AAK1: variants seen among roughly 807,000 people sequenced by gnomAD.
AAK1 encodes AP2 associated kinase 1, also known as AP2-associated protein kinase 1.
AAK1 carries 37 observed loss-of-function variants against 116.0 expected under a neutral mutation model. That is an observed-to-expected ratio of 0.32 (90% CI 0.25 to 0.42). The LOEUF is 0.42. AAK1 is among the 10% of genes least tolerant of loss of function. The probability of loss-of-function intolerance (pLI) is 1.00; values close to 1 mark genes in which losing one functional copy is unlikely to be tolerated. For missense variants in AAK1, 919 were observed against 1,170.6 expected, an observed-to-expected ratio of 0.79 and a Z score of 3.14; for synonymous variants, 458 against 439.9, an observed-to-expected ratio of 1.04 and a Z score of -0.51.
chr2:69,488,149 CGTGT>C (rs58575925), intron 17 of AAK1, among the ~76,000 whole-genome samples: 132 of 144,608 alleles, frequency 9.1e-4, no homozygotes, highest in South Asian at 2.2e-3. Context: ...TGTGTGTGGA[CGTGT>C]GTGTGTGTGT....
At chr2:69,595,786 A>T (rs1301583466) in intron 2 of AAK1, among the ~76,000 whole-genome samples, 2 of 152,252 alleles carry the variant, frequency 1.3e-5, no homozygotes, top group East Asian at 3.8e-4. Flanking sequence ...TATTGGAAGA[A>T]GATGCCATCT....
intron 2 of AAK1, among the ~76,000 whole-genome samples, chr2:69,588,435 T>A (rs1305776817): frequency 3.9e-5 from 6 of 152,200 alleles, no homozygotes; most frequent in Non-Finnish European, 7.3e-5. Context: ...CCATCCCTTA[T>A]AGTAAGAAAG....
At chr2:69,538,134 G>C (rs1005727070) in intron 5 of AAK1, among the ~76,000 whole-genome samples, 10 of 152,256 alleles carry the variant, frequency 6.6e-5, no homozygotes, top group Non-Finnish European at 1.3e-4. Context: ...ACAGATGGTT[G>C]AATCTGCAGA....
chr2:69,632,771 C>T (rs1675247435), intron 2 of AAK1, among the ~76,000 whole-genome samples: 1 of 151,704 alleles, frequency 6.6e-6, no homozygotes, highest in Admixed American at 6.6e-5. Context: ...CGGTGGCTTA[C>T]GCCTGTAATC....
Position 69,495,375 on chromosome 2 carries a change from A to C in AAK1, c.2365+610T>G, listed in dbSNP as rs80049696. Among the ~76,000 whole-genome samples the C allele has an allele frequency of 4.6e-3, 698 of 152,276 alleles. 4 individuals carry two copies. Among genetic ancestry groups the C allele is most frequent in the African/African-American group, 0.015 (624 of 41,556 alleles). ...ATTGAGATATGGTGGACTACAAGAGATATTCAAACTCCTGCAGTCCAACAC... is the reference window on the plus strand; with the variant it reads ...ATTGAGATATGGTGGACTACAAGAGCTATTCAAACTCCTGCAGTCCAACAC... On this transcript the variant is annotated intron_variant, in intron 17 of 21. Coordinates refer to ENST00000409085, the MANE Select transcript of AAK1 (RefSeq NM_014911.5).
chr2:69,472,457 A>C lies in AAK1; in HGVS notation c.*3412T>G. 1 of 354,158 alleles carries C rather than the reference A, an allele frequency of 2.8e-6. No individual in the cohort carries two copies. The highest frequency in any genetic ancestry group is 3.9e-6 in the Non-Finnish European group (1 of 253,178). The allele number at this position is 354,158 out of a possible 1,614,324, so 21.9% of individuals were successfully genotyped here. On this transcript the variant is annotated 3_prime_UTR_variant, in exon 22 of 22. Transcript: ENST00000409085. ...TAACTTTAAGGATGGCAGCATCATT[A>C]GAATAAGTATTAACTTCTTAAGTAA...
chr2:69,609,182 T>C (rs1474944527), intron 2 of AAK1, among the ~76,000 whole-genome samples: 1 of 143,844 alleles, frequency 7.0e-6, no homozygotes, highest in Non-Finnish European at 1.5e-5. Context: ...GCCAACATAG[T>C]GGAACCCCAT....
intron 2 of AAK1, chr2:69,599,038 G>T: frequency 3.6e-6 from 1 of 281,092 alleles, no homozygotes; most frequent in South Asian, 3.7e-5. Context: ...GGGGAGGTCC[G>T]TGTGCTAGCT....
intron 10 of AAK1, among the ~76,000 whole-genome samples, chr2:69,524,047 C>G (rs977117676): frequency 2.6e-5 from 4 of 152,140 alleles, no homozygotes; most frequent in African/African-American, 9.7e-5. Flanking sequence ...TTGGCATCTG[C>G]TTTTTGGAAG....
intron 17 of AAK1, among the ~76,000 whole-genome samples, chr2:69,486,039 C>G (rs751102082): frequency 6.6e-6 from 1 of 151,876 alleles, no homozygotes; most frequent in African/African-American, 2.4e-5. Flanking sequence ...ACTGCAGCCT[C>G]GAACTCTCGG....
At chr2:69,541,432 A>G (rs1670719114) in intron 5 of AAK1, among the ~76,000 whole-genome samples, 1 of 152,038 alleles carries the variant, frequency 6.6e-6, no homozygotes, top group Non-Finnish European at 1.5e-5. Flanking sequence ...TGGTTTCGCC[A>G]TGTTGGCCAG....
chr2:69,632,603 A>G (rs1352006544), intron 2 of AAK1, among the ~76,000 whole-genome samples: 1 of 152,232 alleles, frequency 6.6e-6, no homozygotes, highest in East Asian at 1.9e-4. Context: ...GTTTTCTTAG[A>G]ATCAATGAAC....
At chr2:69,486,297 A>G (rs529071523) in intron 17 of AAK1, among the ~76,000 whole-genome samples, 1 of 152,266 alleles carries the variant, frequency 6.6e-6, no homozygotes, top group East Asian at 1.9e-4. Context: ...ATTAGCAAAA[A>G]GCACGTGGGA....
intron 3 of AAK1, among the ~76,000 whole-genome samples, chr2:69,546,644 A>G (rs1049752049): frequency 2.0e-5 from 3 of 152,190 alleles, no homozygotes; most frequent in Admixed American, 2.0e-4. Flanking sequence ...AAAGCAACAA[A>G]ATATTGGTAG....
chr2:69,522,299 A>G (rs1376983354), intron 10 of AAK1, among the ~76,000 whole-genome samples: 1 of 152,212 alleles, frequency 6.6e-6, no homozygotes, highest in African/African-American at 2.4e-5. Flanking sequence ...ACAGGAAGCA[A>G]AGCAGCTGGC....
intron 19 of AAK1, among the ~76,000 whole-genome samples, chr2:69,479,463 T>C (rs1675000258): frequency 6.6e-6 from 1 of 152,188 alleles, no homozygotes; most frequent in Non-Finnish European, 1.5e-5. Context: ...CTGAGCTAAC[T>C]TTAGCACCTC....
intron 2 of AAK1, among the ~76,000 whole-genome samples, chr2:69,596,644 C>G (rs539414172): frequency 6.6e-6 from 1 of 152,368 alleles, no homozygotes; most frequent in African/African-American, 2.4e-5. Flanking sequence ...AAAGGACTCA[C>G]CATCTTAGAT....
intron 19 of AAK1, among the ~76,000 whole-genome samples, chr2:69,480,532 C>A (rs1417549659): frequency 6.6e-6 from 1 of 152,100 alleles, no homozygotes; most frequent in Non-Finnish European, 1.5e-5. Context: ...TAAGGGTATC[C>A]TTACAGCTCG....
At chr2:69,603,865 C>A (rs1174870119) in intron 2 of AAK1, among the ~76,000 whole-genome samples, 2 of 152,120 alleles carry the variant, frequency 1.3e-5, no homozygotes, top group Non-Finnish European at 2.9e-5. Context: ...GTTTTCAGAA[C>A]TCAGACATCA....
Sources: gnomAD v4.1 joint callset for allele counts (sites outside exome capture counted in the v4.1 genomes callset) on GRCh38, gnomAD v4.1.1 for gene constraint, MANE v1.5 for transcripts, NCBI Gene and HGNC (gene_info 2026-07-23, HGNC 2026-07-21) for gene names.